Variants in PDE4D observed in about 807,000 individuals in gnomAD.
PDE4D encodes 3',5'-cyclic-AMP phosphodiesterase 4D.
Under a neutral mutation model 87.4 loss-of-function variants are expected in PDE4D, and 24 were observed. The observed-to-expected ratio is 0.27, with a 90% CI of 0.20 to 0.39. The LOEUF (loss-of-function observed/expected upper bound fraction) is 0.39. Among genes scored for constraint, PDE4D ranks in the 10% least tolerant of loss-of-function variants. The pLI is 1.00. For missense variants in PDE4D, 714 were observed against 1,041.0 expected (o/e 0.69, Z 4.32); for synonymous variants, 384 against 383.2 (o/e 1.00, Z -0.02).
intron 1 of PDE4D, among the ~76,000 whole-genome samples, chr5:59,238,228 C>T (rs530067092): frequency 4.6e-5 from 7 of 152,238 alleles, no homozygotes; most frequent in Admixed American, 3.9e-4. Flanking sequence ...GGGGCTATTA[C>T]TTATGTTATG....
intron 3 of PDE4D, among the ~76,000 whole-genome samples, chr5:59,938,388 T>C (rs1756838636): frequency 6.6e-6 from 1 of 152,198 alleles, no homozygotes; most frequent in Non-Finnish European, 1.5e-5. Flanking sequence ...GCAGTTTTTA[T>C]TTTCTTAAGT....
At position 59,668,916 on chromosome 5, in the gene PDE4D, AAG is replaced by A. The variant is rs879351226; in HGVS notation, c.455+224250_455+224251del. Among the ~76,000 whole-genome samples, 459 of 70,674 alleles carry A rather than the reference AAG, an allele frequency of 6.5e-3. 8 individuals carry two copies. Among genetic ancestry groups the A allele is most frequent in the East Asian group, 0.052 (68 of 1,306 alleles). 46.4% of individuals were successfully genotyped at this position (70,674 alleles called of 152,430 possible). On this transcript the variant is annotated intron_variant, in intron 1 of 14. Coordinates refer to ENST00000340635, the MANE Select transcript of PDE4D (RefSeq NM_001104631.2). ...GAAGAAGAAGAAGAAGAAGAAGAAG[AAG>A]AAGAAAGAAAGAAAGAATTAGTTCA... is the stretch of plus-strand genomic sequence containing the variant.
intron 1 of PDE4D, among the ~76,000 whole-genome samples, chr5:59,348,992 GA>G (rs1328163724): frequency 6.6e-6 from 1 of 152,044 alleles, no homozygotes; most frequent in East Asian, 1.9e-4. Context: ...GTGGCTGGAG[GA>G]TCCCTTGAGC....
At chr5:60,006,287 A>C (rs933317330) in intron 2 of PDE4D, among the ~76,000 whole-genome samples, 1 of 148,978 alleles carries the variant, frequency 6.7e-6, no homozygotes, top group Non-Finnish European at 1.5e-5. Context: ...GCAAAAAAAC[A>C]CAATTACTTT....
chr5:60,378,733 A>C (rs1761621177), intron 1 of PDE4D, among the ~76,000 whole-genome samples: 2 of 152,002 alleles, frequency 1.3e-5, no homozygotes, highest in African/African-American at 2.4e-5. Flanking sequence ...CCCATCTGTA[A>C]TCCCAGCTAC....
intron 1 of PDE4D, among the ~76,000 whole-genome samples, chr5:59,641,066 G>C (rs957506621): frequency 6.6e-6 from 1 of 151,718 alleles, no homozygotes; most frequent in Non-Finnish European, 1.5e-5. Context: ...TTTTTTTATG[G>C]GTTCAGTTTC....
chr5:60,438,328 T>G (rs988845042), intron 1 of PDE4D, among the ~76,000 whole-genome samples: 1 of 152,124 alleles, frequency 6.6e-6, no homozygotes, highest in South Asian at 2.1e-4. Flanking sequence ...GTTAACCTCA[T>G]GTAAAAGAGC....
At chr5:60,037,220 T>A (rs1257988037) in intron 2 of PDE4D, among the ~76,000 whole-genome samples, 1 of 152,188 alleles carries the variant, frequency 6.6e-6, no homozygotes, top group Non-Finnish European at 1.5e-5. Flanking sequence ...CATTAGGGAA[T>A]ATTACATGCA....
intron 1 of PDE4D, among the ~76,000 whole-genome samples, chr5:59,459,041 G>A (rs1318288046): frequency 6.6e-6 from 1 of 152,120 alleles, no homozygotes; most frequent in African/African-American, 2.4e-5. Flanking sequence ...AATATTCGAT[G>A]ATTAATTTAT....
At chr5:59,117,252 A>G (rs1773756309) in intron 5 of PDE4D, among the ~76,000 whole-genome samples, 1 of 152,194 alleles carries the variant, frequency 6.6e-6, no homozygotes, top group Admixed American at 6.5e-5. Flanking sequence ...TGCTATCAAT[A>G]ATTCAACTTT....
rs987662881 is a variant in PDE4D, at chr5:60,437,254, T to C, written c.-90+50688A>G. ...GGAATCAGACAAATCTAAGTTTAAA[T>C]CCCAATTCCATTTATTAACTGGTTG... On this transcript the variant is annotated intron_variant, in intron 1 of 16. Coordinates refer to the PDE4D transcript ENST00000502484. Among the ~76,000 whole-genome samples the C allele has an allele frequency of 3.7e-4, 56 of 152,094 alleles. 1 individual carries two copies. The highest frequency in any genetic ancestry group is 3.4e-3 in the Admixed American group (52 of 15,262).
chr5:59,548,740 G>T (rs1817664155), intron 1 of PDE4D, among the ~76,000 whole-genome samples: 1 of 152,042 alleles, frequency 6.6e-6, no homozygotes, highest in Admixed American at 6.6e-5. Context: ...AAAAAAAATG[G>T]AGTTCCTTAC....
At chr5:59,239,331 T>C (rs1757160411) in intron 1 of PDE4D, among the ~76,000 whole-genome samples, 1 of 152,134 alleles carries the variant, frequency 6.6e-6, no homozygotes, top group African/African-American at 2.4e-5. Context: ...TGTGAAATTC[T>C]CCTCAACCCT....
chr5:59,692,693 G>A (rs73101129), intron 1 of PDE4D, among the ~76,000 whole-genome samples: 1,882 of 152,162 alleles, frequency 0.012, 33 homozygotes, highest in African/African-American at 0.044. Flanking sequence ...TACAGCTCAA[G>A]CCCTACATAG....
chr5:59,370,815 T>C (rs537173449), intron 1 of PDE4D, among the ~76,000 whole-genome samples: 119 of 152,310 alleles, frequency 7.8e-4, no homozygotes, highest in African/African-American at 2.8e-3. Context: ...CCATATGAGA[T>C]AAATATTGAT....
At chr5:60,046,226 G>A (rs1769226951) in intron 2 of PDE4D, among the ~76,000 whole-genome samples, 1 of 152,162 alleles carries the variant, frequency 6.6e-6, no homozygotes, top group South Asian at 2.1e-4. Flanking sequence ...TGTATCCTGA[G>A]AATTTGCTGA....
chr5:59,970,967 A>C (rs566843748), intron 3 of PDE4D, among the ~76,000 whole-genome samples: 7 of 151,374 alleles, frequency 4.6e-5, no homozygotes, highest in African/African-American at 1.7e-4. Context: ...CAAATGTCCA[A>C]CAATGATAGA....
chr5:59,174,966 G>C (rs1295327075), intron 5 of PDE4D, among the ~76,000 whole-genome samples: 3 of 152,132 alleles, frequency 2.0e-5, no homozygotes, highest in Admixed American at 2.0e-4. Flanking sequence ...TGGAAATATG[G>C]AAATTCAGAA....
intron 1 of PDE4D, among the ~76,000 whole-genome samples, chr5:59,387,122 C>T (rs951487422): frequency 6.6e-6 from 1 of 152,144 alleles, no homozygotes; most frequent in Admixed American, 6.5e-5. Context: ...TCTAGTTCAG[C>T]ATGTGCCATA....
Sources: allele counts gnomAD v4.1 joint callset (sites outside exome capture counted in the v4.1 genomes callset), GRCh38; gene constraint gnomAD v4.1.1; transcripts MANE v1.5; gene names NCBI Gene and HGNC (gene_info 2026-07-23, HGNC 2026-07-21).